Variants in ROBO2 observed in about 807,000 individuals in gnomAD.
The protein encoded by ROBO2 is roundabout homolog 2.
In ROBO2, 53 loss-of-function variants were observed where a neutral mutation model predicts 160.8. That is an observed-to-expected ratio of 0.33 (90% CI 0.26 to 0.41). ROBO2 has a LOEUF of 0.41. ROBO2 is among the 10% of genes least tolerant of loss of function. The pLI is 1.00. For synonymous variants in ROBO2, 664 were observed against 611.7 expected (o/e 1.09, Z -1.26); for missense variants, 1,577 against 1,722.4 (o/e 0.92, Z 1.49).
chr3:77,103,549 A>T (rs1435788165), intron 2 of ROBO2, among the ~76,000 whole-genome samples: 1 of 152,164 alleles, frequency 6.6e-6, no homozygotes, highest in Non-Finnish European at 1.5e-5. Context: ...GAGAGAACAG[A>T]TGTGATTCAT....
chr3:77,387,122 T>C (rs1479573276), intron 2 of ROBO2, among the ~76,000 whole-genome samples: 2 of 151,960 alleles, frequency 1.3e-5, no homozygotes, highest in African/African-American at 4.8e-5. Flanking sequence ...AAGTAGTGAT[T>C]TCTCAAACTG....
chr3:76,030,086 T>A (rs1041016548), intron 2 of ROBO2, among the ~76,000 whole-genome samples: 1 of 152,220 alleles, frequency 6.6e-6, no homozygotes, highest in African/African-American at 2.4e-5. Context: ...TATCTCATTG[T>A]GGTTTTGATT....
intron 2 of ROBO2, among the ~76,000 whole-genome samples, chr3:76,158,448 T>TAA (rs34598279): frequency 1.4e-3 from 208 of 146,576 alleles, no homozygotes; most frequent in African/African-American, 4.6e-3. Context: ...ACTATACCCC[T>TAA]AAAAAAAAAA....
In ROBO2 at chr3:75,912,576, A is replaced by C. The variant is rs191243481; in HGVS notation, c.-14+5616A>C. ...ATTGTCCCCAGACTGGCTTAAAAGA[A>C]TTTAATTTTAGATGTAAATTTTCTG... On this transcript the variant is annotated intron_variant, in intron 1 of 26. Transcript: ENST00000487694. 2.4e-3 allele frequency among the ~76,000 whole-genome samples: 361 copies of C among 152,330 alleles called. 1 individual carries two copies. The Middle Eastern group carries it at 0.031, about 13-fold the overall frequency.
chr3:76,532,416 A>C (rs531504956), intron 2 of ROBO2, among the ~76,000 whole-genome samples: 3 of 152,298 alleles, frequency 2.0e-5, no homozygotes, highest in African/African-American at 7.2e-5. Flanking sequence ...AGTGGGAAAC[A>C]AGTCCTTTGT....
intron 2 of ROBO2, among the ~76,000 whole-genome samples, chr3:77,016,371 T>C (rs2062255126): frequency 6.6e-6 from 1 of 152,164 alleles, no homozygotes; most frequent in African/African-American, 2.4e-5. Flanking sequence ...CATACATAAA[T>C]CTATGTCTCT....
In ROBO2 at chr3:76,435,690, G is replaced by A. The variant is rs577802719; in HGVS notation, c.109+498088G>A. Among the ~76,000 whole-genome samples the A allele has an allele frequency of 7.2e-5, 11 of 152,204 alleles. No individual in the cohort carries two copies. In the South Asian group the frequency reaches 1.0e-3, roughly 14 times the overall value. On this transcript the variant is annotated intron_variant, in intron 2 of 26. Coordinates refer to the ROBO2 transcript ENST00000487694. ...GCCAGTCCATTCTTATGGAACTGCC[G>A]ACTAGGACTATGATGCATTTTAGCT...
rs559343372 is a variant in ROBO2 at position 77,348,373 on chromosome 3, T to C, written c.389-129041T>C. Among the ~76,000 whole-genome samples the C allele has an allele frequency of 1.1e-4, 17 of 152,190 alleles. 1 individual carries two copies. The highest frequency in any genetic ancestry group is 9.2e-4 in the Admixed American group (14 of 15,262). On this transcript the variant is annotated intron_variant, in intron 2 of 25. Coordinates refer to ENST00000461745, the Ensembl canonical transcript of ROBO2. ...ATGTTGCCACAGCATCTGTAAACTT[T>C]CATGGCGCTGGTGCGAGTATAACAG...
intron 2 of ROBO2, among the ~76,000 whole-genome samples, chr3:76,918,730 T>C (rs1388640018): frequency 6.6e-6 from 1 of 152,214 alleles, no homozygotes; most frequent in African/African-American, 2.4e-5. Flanking sequence ...GTATTTCCAG[T>C]TCTAAATATT....
chr3:76,590,359 C>T (rs1281651710), intron 2 of ROBO2, among the ~76,000 whole-genome samples: 1 of 152,062 alleles, frequency 6.6e-6, no homozygotes, highest in Admixed American at 6.6e-5. Context: ...TTTGACAAGA[C>T]TAATACTACT....
intron 2 of ROBO2, among the ~76,000 whole-genome samples, chr3:76,809,928 A>G (rs1424839653): frequency 6.6e-6 from 1 of 152,124 alleles, no homozygotes; most frequent in East Asian, 1.9e-4. Context: ...AGGTAAAAAA[A>G]ACTAGAATAT....
chr3:76,989,063 C>T (rs1161538380), intron 2 of ROBO2, among the ~76,000 whole-genome samples: 1 of 152,102 alleles, frequency 6.6e-6, no homozygotes, highest in Non-Finnish European at 1.5e-5. Context: ...TAATTAAACA[C>T]TTGCTGAGTA....
At chr3:76,655,459 T>TATATATATA (rs1382812450) in intron 2 of ROBO2, among the ~76,000 whole-genome samples, 2 of 133,292 alleles carry the variant, frequency 1.5e-5, no homozygotes, top group Non-Finnish European at 3.3e-5. Flanking sequence ...TATATATGGA[T>TATATATATA]TTTTTTCCCT....
At chr3:76,683,650 GT>G (rs2092621231) in intron 2 of ROBO2, among the ~76,000 whole-genome samples, 1 of 152,044 alleles carries the variant, frequency 6.6e-6, no homozygotes, top group African/African-American at 2.4e-5. Flanking sequence ...ATTTGAAATA[GT>G]TTTTAAGATC....
At chr3:76,178,385 G>C in intron 2 of ROBO2, among the ~76,000 whole-genome samples, 1 of 152,152 alleles carries the variant, frequency 6.6e-6, no homozygotes, top group East Asian at 1.9e-4. Context: ...GGAAAAAAAG[G>C]AGAGGCGATA....
Position 76,232,291 on chromosome 3 carries a change from G to T in ROBO2, c.109+294689G>T, listed in dbSNP as rs142995487. Among the ~76,000 whole-genome samples the T allele has an allele frequency of 1.1e-4, 16 of 152,272 alleles. No individual in the cohort carries two copies. The East Asian group carries it at 3.1e-3, about 29-fold the overall frequency. The stretch of plus-strand genomic sequence containing the variant: ...TAGTAGACTTGAGAAGAGAAGAAAA[G>T]ACTAGAACTAAAGATAATTTGGATG... On this transcript the variant is annotated intron_variant, in intron 2 of 26. Transcript: ENST00000487694.
At chr3:77,309,053 G>A (rs60037171) in intron 2 of ROBO2, among the ~76,000 whole-genome samples, 6,142 of 100,110 alleles carry the variant, frequency 0.061, 428 homozygotes, top group African/African-American at 0.18. Flanking sequence ...GCTGAGATTC[G>A]GCTATTTATT....
chr3:76,243,701 C>G (rs896266433), intron 2 of ROBO2, among the ~76,000 whole-genome samples: 2 of 152,198 alleles, frequency 1.3e-5, no homozygotes, highest in African/African-American at 4.8e-5. Context: ...TTTCCCCTGT[C>G]GTTTACCTCC....
chr3:77,372,156 G>T (rs2071852213), intron 2 of ROBO2, among the ~76,000 whole-genome samples: 1 of 152,046 alleles, frequency 6.6e-6, no homozygotes, highest in Non-Finnish European at 1.5e-5. Flanking sequence ...GAGAAGGAAG[G>T]AGGGAGAGAG....
Sources: gnomAD v4.1 joint callset for allele counts (sites outside exome capture counted in the v4.1 genomes callset) on GRCh38, gnomAD v4.1.1 for gene constraint, MANE v1.5 for transcripts, NCBI Gene and HGNC (gene_info 2026-07-23, HGNC 2026-07-21) for gene names.